NCKAP5: variants seen among roughly 807,000 people sequenced by gnomAD.
NCKAP5 encodes the protein NCK associated protein 5.
Under a neutral mutation model 167.0 loss-of-function variants are expected in NCKAP5, and 92 were observed. That is an observed-to-expected ratio of 0.55 (90% CI 0.47 to 0.66). NCKAP5 has a LOEUF of 0.66. Ranked by LOEUF, NCKAP5 falls within the 30% of genes least tolerant of loss-of-function variation. The probability of loss-of-function intolerance (pLI) is 0.00; values close to 1 mark genes in which losing one functional copy is unlikely to be tolerated. For missense variants in NCKAP5, 2,378 were observed against 2,315.0 expected (o/e 1.03, Z -0.56); for synonymous variants, 891 against 877.4 (o/e 1.02, Z -0.27).
intron 4 of NCKAP5, among the ~76,000 whole-genome samples, chr2:133,217,845 T>C (rs928803630): frequency 3.9e-5 from 6 of 152,162 alleles, no homozygotes; most frequent in African/African-American, 1.4e-4. Flanking sequence ...ACATATACCC[T>C]GATTCCCACA....
chr2:132,878,839 C>T lies in NCKAP5; in HGVS notation c.648+9G>A, dbSNP rs370681112. On this transcript the variant is annotated intron_variant, in intron 9 of 19. Coordinates refer to ENST00000409261, the MANE Select transcript of NCKAP5 (RefSeq NM_207363.3). ...AGCCTTGGATCAGGAGCCTCTCCATCCCCCTTACCTCATCAAGACATCGCT... is the reference window on the plus strand; with the variant it reads ...AGCCTTGGATCAGGAGCCTCTCCATTCCCCTTACCTCATCAAGACATCGCT... 4.3e-6 allele frequency: 7 copies of T among 1,609,266 alleles called. No homozygotes were observed. The South Asian group carries it at 7.7e-5, about 18-fold the overall frequency.
At chr2:133,548,532 G>A (rs55675555) in intron 2 of NCKAP5, among the ~76,000 whole-genome samples, 41,014 of 150,970 alleles carry the variant, frequency 0.27, 6,094 homozygotes, top group East Asian at 0.38. Context: ...CGGATCTCTC[G>A]GCAGAAACCC....
chr2:133,548,258 T>A (rs1686930911), intron 2 of NCKAP5, among the ~76,000 whole-genome samples: 1 of 152,042 alleles, frequency 6.6e-6, no homozygotes, highest in Non-Finnish European at 1.5e-5. Flanking sequence ...CTGATTGGTG[T>A]ACCTGAAAGT....
chr2:132,765,049 A>G (rs945868407), intron 16 of NCKAP5, among the ~76,000 whole-genome samples: 1 of 152,180 alleles, frequency 6.6e-6, no homozygotes, highest in African/African-American at 2.4e-5. Context: ...ATAATTCTAG[A>G]TGCATTGTAT....
chr2:133,152,111 T>A (rs2083403826), intron 5 of NCKAP5, among the ~76,000 whole-genome samples: 1 of 152,162 alleles, frequency 6.6e-6, no homozygotes, highest in Non-Finnish European at 1.5e-5. Flanking sequence ...AAATGCAGGG[T>A]AGCTCTCTGC....
the NCKAP5 span, among the ~76,000 whole-genome samples, chr2:133,635,645 T>C: frequency 6.6e-6 from 1 of 152,222 alleles, no homozygotes; most frequent in African/African-American, 2.4e-5. Context: ...TGTGTCCTCG[T>C]AACTTCTAAA....
At chr2:132,965,548 T>C (rs567502356) in intron 7 of NCKAP5, among the ~76,000 whole-genome samples, 17 of 152,322 alleles carry the variant, frequency 1.1e-4, no homozygotes, top group African/African-American at 3.8e-4. Flanking sequence ...TCACTCAGCA[T>C]ATGCCACTTA....
chr2:132,951,419 A>G (rs1350576558), intron 8 of NCKAP5, among the ~76,000 whole-genome samples: 2 of 152,380 alleles, frequency 1.3e-5, no homozygotes, highest in East Asian at 3.9e-4. Context: ...AGAGACTCTT[A>G]CACCATGACA....
chr2:133,391,230 C>T (rs1687379939), intron 3 of NCKAP5: 1 of 152,722 alleles, frequency 6.5e-6, no homozygotes, highest in Admixed American at 6.5e-5. Flanking sequence ...AAGAACAGTC[C>T]TCCTGTATTG....
chr2:133,626,219 A>G, the NCKAP5 span, among the ~76,000 whole-genome samples: 3 of 152,188 alleles, frequency 2.0e-5, no homozygotes, highest in Non-Finnish European at 4.4e-5. Context: ...TCATCTCTCA[A>G]AGAAAGACAT....
At chr2:132,699,919 T>C (rs977751361) in intron 19 of NCKAP5, among the ~76,000 whole-genome samples, 2 of 152,228 alleles carry the variant, frequency 1.3e-5, no homozygotes, top group African/African-American at 4.8e-5. Context: ...ACTTCCACAA[T>C]GGTTGAACTA....
intron 5 of NCKAP5, among the ~76,000 whole-genome samples, chr2:133,171,482 C>T (rs1423421059): frequency 6.6e-6 from 1 of 152,152 alleles, no homozygotes; most frequent in Non-Finnish European, 1.5e-5. Context: ...CTTTCTCACC[C>T]AAGAGAGAGG....
rs532560985 is a variant in NCKAP5, at chr2:133,368,805, A to C, written c.70-65695T>G. 3.7e-4 allele frequency among the ~76,000 whole-genome samples: 57 copies of C among 152,378 alleles called. 1 individual carries two copies. The highest frequency in any genetic ancestry group is 1.3e-3 in the African/African-American group (54 of 41,588). On this transcript the variant is annotated intron_variant, in intron 3 of 19. Transcript: ENST00000409261. The stretch of plus-strand genomic sequence containing the variant: ...AATCCTTTTGGAAGTGGGAGGGGTC[A>C]TCTAAATCTCAAATAAGAGAATACA...
At chr2:133,134,162 G>C (rs117479735) in intron 5 of NCKAP5, among the ~76,000 whole-genome samples, 1 of 152,078 alleles carries the variant, frequency 6.6e-6, no homozygotes, top group Non-Finnish European at 1.5e-5. Context: ...TGTGCATTAC[G>C]AGCCACAACC....
At position 132,731,971 on chromosome 2, in the gene NCKAP5, G is replaced by A. The variant is rs202128241; in HGVS notation, c.5209C>T (p.Arg1737Cys). The A allele has an allele frequency of 1.0e-4, 166 of 1,613,868 alleles. No homozygotes were observed. The highest frequency in any genetic ancestry group is 4.7e-4 in the East Asian group (21 of 44,834). ...GGGGAGTCTGGCTGGCATAGGTAGC[G>A]TCCTGTCGAGCGATTTCCCGAGTCT... is the stretch of plus-strand genomic sequence containing the variant. Reference protein sequence around the residue: ...LPDSGNRSTGRYLCQPDSPED... With the variant: ...LPDSGNRSTGCYLCQPDSPED... The change falls in exon 17 of 20, where the codon CGC becomes TGC. Residue 1737 changes from arginine (R) to cysteine (C), a missense_variant. Physicochemically the swap from Arg to Cys is radical, Grantham distance 180. Coordinates refer to ENST00000409261, the MANE Select transcript of NCKAP5 (RefSeq NM_207363.3).
intron 3 of NCKAP5, among the ~76,000 whole-genome samples, chr2:133,394,215 A>G (rs375930294): frequency 6.6e-6 from 1 of 152,376 alleles, no homozygotes; most frequent in South Asian, 2.1e-4. Context: ...CAGATGCTGT[A>G]TTAGGTGCTA....
chr2:133,395,837 G>A (rs917551570), intron 3 of NCKAP5, among the ~76,000 whole-genome samples: 1 of 152,058 alleles, frequency 6.6e-6, no homozygotes, highest in South Asian at 2.1e-4. Context: ...GTAGAGATGG[G>A]TTCCCTCTAT....
At chr2:132,906,668 T>C (rs575473861) in intron 8 of NCKAP5, among the ~76,000 whole-genome samples, 1 of 152,306 alleles carries the variant, frequency 6.6e-6, no homozygotes, top group Admixed American at 6.5e-5. Context: ...CTGGGCTTTC[T>C]TGACAACCAG....
chr2:132,816,637 C>T (rs1030967086), intron 11 of NCKAP5, among the ~76,000 whole-genome samples: 1 of 152,168 alleles, frequency 6.6e-6, no homozygotes, highest in African/African-American at 2.4e-5. Context: ...GCTCACCCAC[C>T]TGACATTTCT....
Sources: allele counts gnomAD v4.1 joint callset (sites outside exome capture counted in the v4.1 genomes callset), GRCh38; gene constraint gnomAD v4.1.1; transcripts MANE v1.5; gene names NCBI Gene and HGNC (gene_info 2026-07-23, HGNC 2026-07-21).